Variants in KIRREL3 observed in about 807,000 individuals in gnomAD.
KIRREL3 encodes the protein kin of IRRE-like protein 3.
KIRREL3 carries 36 observed loss-of-function variants against 89.7 expected under a neutral mutation model. The observed-to-expected ratio is 0.40, with a 90% CI of 0.31 to 0.53. KIRREL3 has a LOEUF of 0.53. KIRREL3 is among the 20% of genes least tolerant of loss of function. The probability of loss-of-function intolerance (pLI) is 0.49; values close to 1 mark genes in which losing one functional copy is unlikely to be tolerated. For missense variants in KIRREL3, 864 were observed against 1,056.6 expected (o/e 0.82, Z 2.53); for synonymous variants, 445 against 441.4 (o/e 1.01, Z -0.10).
At chr11:126,559,471 G>A (rs1471087514) in intron 2 of KIRREL3, among the ~76,000 whole-genome samples, 1 of 152,236 alleles carries the variant, frequency 6.6e-6, no homozygotes, top group Non-Finnish European at 1.5e-5. Flanking sequence ...CAGCACATGA[G>A]GAAGCAGACC....
intron 1 of KIRREL3, among the ~76,000 whole-genome samples, chr11:126,633,041 C>T (rs1158761998): frequency 1.3e-5 from 2 of 151,962 alleles, no homozygotes; most frequent in Non-Finnish European, 2.9e-5. Context: ...GCTCTATCAC[C>T]ACTGCACTTC....
chr11:126,884,519 T>C (rs1452412954), intron 1 of KIRREL3, among the ~76,000 whole-genome samples: 3 of 151,976 alleles, frequency 2.0e-5, no homozygotes, highest in African/African-American at 7.3e-5. Flanking sequence ...CCTGGGAAAA[T>C]AGCTAGGAGA....
rs140277082 is a variant in KIRREL3, at chr11:126,506,753, T to A, written c.433+14562A>T. Among the ~76,000 whole-genome samples, 108 of 152,072 alleles carry A rather than the reference T, an allele frequency of 7.1e-4. 1 individual carries two copies. Among genetic ancestry groups the A allele is most frequent in the African/African-American group, 2.0e-3 (83 of 41,440 alleles). On this transcript the variant is annotated intron_variant, in intron 4 of 16. Coordinates refer to ENST00000525144, the MANE Select transcript of KIRREL3 (RefSeq NM_032531.4). The stretch of plus-strand genomic sequence containing the variant: ...GAAAACATATAGCCACACACAGACT[T>A]GTTTGTGAATGTTCATAGCAACAAT...
chr11:126,968,571 T>TG (rs1949343805), intron 1 of KIRREL3, among the ~76,000 whole-genome samples: 1 of 152,196 alleles, frequency 6.6e-6, no homozygotes, highest in Non-Finnish European at 1.5e-5. Context: ...ACAGATGAAA[T>TG]GGGGCACATA....
At position 126,473,557 on chromosome 11, in the gene KIRREL3, A is replaced by G. The variant is rs12271461; in HGVS notation, c.434-91T>C. On this transcript the variant is annotated intron_variant, in intron 4 of 16. Coordinates refer to ENST00000525144, the MANE Select transcript of KIRREL3 (RefSeq NM_032531.4). ...GGGAGGATTTTGTGGAGATGGCAAC[A>G]AACAATAATTATCACACATTAATAA... The G allele has an allele frequency of 4.6e-3, 5,098 of 1,104,412 alleles. 155 individuals carry two copies. In the African/African-American group the frequency reaches 0.065, roughly 14 times the overall value. 68.4% of individuals were successfully genotyped at this position (1,104,412 alleles called of 1,614,324 possible). A position where few individuals can be genotyped will look rare whatever the true frequency, so the allele number is the denominator to read the frequency against.
At chr11:126,894,627 C>T (rs927054084) in intron 1 of KIRREL3, among the ~76,000 whole-genome samples, 1 of 149,240 alleles carries the variant, frequency 6.7e-6, no homozygotes. Context: ...TCACATACAC[C>T]TGTAGTCTCA....
At position 126,977,160 on chromosome 11, in the gene KIRREL3, C is replaced by T. The variant is rs1213482507; in HGVS notation, c.55+23295G>A. On this transcript the variant is annotated intron_variant, in intron 1 of 16. Coordinates refer to ENST00000525144, the MANE Select transcript of KIRREL3 (RefSeq NM_032531.4). This position sits in a 1 kb window ranked among gnomAD's most constrained non-coding sequence, Gnocchi z 4.7. ...TTCTGGGTCTTAGTGTCACTTGGCACCTTTGTTACAGGCTCCTGCACCTCT... is the reference window on the plus strand; with the variant it reads ...TTCTGGGTCTTAGTGTCACTTGGCATCTTTGTTACAGGCTCCTGCACCTCT... Among the ~76,000 whole-genome samples the T allele has an allele frequency of 1.3e-5, 2 of 152,124 alleles. No homozygotes were observed. The highest frequency in any genetic ancestry group is 2.9e-5 in the Non-Finnish European group (2 of 68,038).
chr11:126,832,283 G>A (rs1483349927), intron 1 of KIRREL3, among the ~76,000 whole-genome samples: 2 of 152,152 alleles, frequency 1.3e-5, no homozygotes, highest in African/African-American at 4.8e-5. Context: ...GTCTACTAGT[G>A]TAAGGCCAAG....
At chr11:126,774,605 C>G (rs1421363167) in intron 1 of KIRREL3, among the ~76,000 whole-genome samples, 1 of 152,192 alleles carries the variant, frequency 6.6e-6, no homozygotes, top group African/African-American at 2.4e-5. Flanking sequence ...GGCCTGCACG[C>G]TCTGCACCCA....
intron 1 of KIRREL3, among the ~76,000 whole-genome samples, chr11:126,767,893 G>T (rs1172224554): frequency 2.0e-5 from 3 of 152,196 alleles, no homozygotes. Context: ...ATTGTCAGAA[G>T]CCAGTGCAAG....
Position 126,666,743 on chromosome 11 carries a change from T to A in KIRREL3, c.56-103831A>T, listed in dbSNP as rs1250713440. Reference sequence around the variant, plus strand: ...TTGCTTTTCCCATTTTTATTTGTATTGACTAGGAGGTCTTTCACCAGAAGA... The same window carrying A: ...TTGCTTTTCCCATTTTTATTTGTATAGACTAGGAGGTCTTTCACCAGAAGA... On this transcript the variant is annotated intron_variant, in intron 1 of 16. Coordinates refer to ENST00000525144, the MANE Select transcript of KIRREL3 (RefSeq NM_032531.4). The surrounding 1 kb of genome is among the most constrained non-coding windows in gnomAD (Gnocchi z 4.2). Among the ~76,000 whole-genome samples, 1 of 152,214 alleles carries A rather than the reference T, an allele frequency of 6.6e-6. No homozygotes were observed. The highest frequency in any genetic ancestry group is 6.5e-5 in the Admixed American group (1 of 15,288).
chr11:126,959,795 T>G (rs1187390565), intron 1 of KIRREL3, among the ~76,000 whole-genome samples: 1 of 152,152 alleles, frequency 6.6e-6, no homozygotes. Context: ...CTACACTCTC[T>G]GAATCCCATT....
chr11:126,480,452 T>C (rs1304573328), intron 4 of KIRREL3, among the ~76,000 whole-genome samples: 1 of 152,208 alleles, frequency 6.6e-6, no homozygotes, highest in African/African-American at 2.4e-5. Context: ...CTTCATTTTA[T>C]AGGTTAAGAA....
chr11:126,631,136 C>T (rs1286579362), intron 1 of KIRREL3, among the ~76,000 whole-genome samples: 4 of 150,384 alleles, frequency 2.7e-5, no homozygotes, highest in African/African-American at 7.5e-5. Flanking sequence ...TTCATTCATT[C>T]ATTCATTCAT....
intron 1 of KIRREL3, among the ~76,000 whole-genome samples, chr11:126,923,172 T>C (rs56288750): frequency 0.11 from 2,624 of 23,442 alleles, 748 homozygotes; most frequent in Middle Eastern, 0.36. Flanking sequence ...TTCTTCTTCT[T>C]CTTCTCTTCT....
intron 1 of KIRREL3, among the ~76,000 whole-genome samples, chr11:126,728,446 G>C (rs963656044): frequency 6.6e-6 from 1 of 152,160 alleles, no homozygotes; most frequent in African/African-American, 2.4e-5. Flanking sequence ...AGGAGTGTAG[G>C]CTTCCAGAGC....
chr11:126,537,629 C>A lies in KIRREL3; in HGVS notation c.134-10942G>T, dbSNP rs1938006818. Among the ~76,000 whole-genome samples the A allele has an allele frequency of 1.3e-5, 2 of 152,156 alleles. No homozygotes were observed. Among genetic ancestry groups the A allele is most frequent in the South Asian group, 4.1e-4 (2 of 4,820 alleles). ...GTAGGAAGAACACAGGGTCAGTCAGCCCTAGGAAGGAACTCTGGCCCTGTA... is the reference window on the plus strand; with the variant it reads ...GTAGGAAGAACACAGGGTCAGTCAGACCTAGGAAGGAACTCTGGCCCTGTA... On this transcript the variant is annotated intron_variant, in intron 2 of 16. Transcript: ENST00000525144. The surrounding 1 kb of genome is among the most constrained non-coding windows in gnomAD (Gnocchi z 4.3).
intron 1 of KIRREL3, among the ~76,000 whole-genome samples, chr11:126,632,786 A>ATG: frequency 3.1e-4 from 1 of 3,262 alleles, no homozygotes; most frequent in African/African-American, 1.2e-3. Flanking sequence ...CTTGGAGTCT[A>ATG]AACTTAAAAA....
At chr11:126,806,470 T>A (rs1951207217) in intron 1 of KIRREL3, among the ~76,000 whole-genome samples, 1 of 152,158 alleles carries the variant, frequency 6.6e-6, no homozygotes, top group Admixed American at 6.5e-5. Context: ...TCAAAAAGTT[T>A]GAGTAATTAT....
Sources: allele counts gnomAD v4.1 joint callset (sites outside exome capture counted in the v4.1 genomes callset), GRCh38; gene constraint gnomAD v4.1.1; non-coding constraint Gnocchi (gnomAD v3.1); transcripts MANE v1.5; gene names NCBI Gene and HGNC (gene_info 2026-07-23, HGNC 2026-07-21).